ACTR3C: variants seen among roughly 807,000 people sequenced by gnomAD.
The protein encoded by ACTR3C is actin related protein 3C, also known as actin-related protein 3C.
ACTR3C carries 18 observed loss-of-function variants against 26.3 expected under a neutral mutation model. That is an observed-to-expected ratio of 0.68 (90% CI 0.47 to 1.01). The LOEUF (loss-of-function observed/expected upper bound fraction) is 1.01, where lower values mean the gene tolerates loss of function less well. Among genes scored for constraint, ACTR3C ranks in the 50% least tolerant of loss-of-function variants. The pLI, the probability that ACTR3C is intolerant of heterozygous loss-of-function variation, is 0.00. For synonymous variants in ACTR3C, 55 were observed against 94.5 expected, an observed-to-expected ratio of 0.58 and a Z score of 2.42; for missense variants, 184 against 250.7, an observed-to-expected ratio of 0.73 and a Z score of 1.80.
chr7:149,941,649 G>T, the ACTR3C span, among the ~76,000 whole-genome samples: 1 of 152,188 alleles, frequency 6.6e-6, no homozygotes, highest in Non-Finnish European at 1.5e-5. Context: ...TCTATCATAT[G>T]CAGGTGGGGA....
intron 1 of ACTR3C, among the ~76,000 whole-genome samples, chr7:150,299,372 GC>G (rs918406105): frequency 7.0e-6 from 1 of 143,076 alleles, no homozygotes; most frequent in Admixed American, 7.3e-5. Context: ...GATCACTCCA[GC>G]CCAGGAGGTC....
At chr7:150,124,324 G>A in the ACTR3C span, among the ~76,000 whole-genome samples, 2 of 152,132 alleles carry the variant, frequency 1.3e-5, no homozygotes, top group African/African-American at 4.8e-5. Flanking sequence ...CAGTTTTAGC[G>A]AAATATCTTC....
chr7:149,927,344 C>T, the ACTR3C span, among the ~76,000 whole-genome samples: 6 of 151,098 alleles, frequency 4.0e-5, no homozygotes, highest in South Asian at 8.4e-4. Flanking sequence ...AGAACTGGGC[C>T]GTTCTCCTGA....
chr7:149,904,680 A>T, the ACTR3C span, among the ~76,000 whole-genome samples: 3 of 148,504 alleles, frequency 2.0e-5, no homozygotes, highest in South Asian at 2.3e-4. Flanking sequence ...TTGATGTCAA[A>T]TTTTTTCCCA....
chr7:150,038,839 C>A, the ACTR3C span, among the ~76,000 whole-genome samples: 280 of 137,518 alleles, frequency 2.0e-3, 1 homozygote, highest in African/African-American at 3.7e-3. Context: ...TCCTAAGAGC[C>A]AGTGGGGGAA....
the ACTR3C span, among the ~76,000 whole-genome samples, chr7:150,194,281 T>A: frequency 6.8e-6 from 1 of 146,512 alleles, no homozygotes; most frequent in Non-Finnish European, 1.5e-5. Context: ...TATTATTATA[T>A]AATATATAAA....
chr7:150,203,792 CTT>C, the ACTR3C span, among the ~76,000 whole-genome samples: 3 of 152,134 alleles, frequency 2.0e-5, no homozygotes, highest in Non-Finnish European at 4.4e-5. Flanking sequence ...GTCTCGAACT[CTT>C]GACCTCAGGT....
intron 1 of ACTR3C, among the ~76,000 whole-genome samples, chr7:150,297,266 G>A (rs1318791563): frequency 6.6e-6 from 1 of 150,424 alleles, no homozygotes; most frequent in Non-Finnish European, 1.5e-5. Flanking sequence ...TGATGGATAT[G>A]CTAATTACCC....
intron 6 of ACTR3C, among the ~76,000 whole-genome samples, chr7:150,263,637 T>C (rs1346656883): frequency 6.6e-6 from 1 of 152,040 alleles, no homozygotes; most frequent in African/African-American, 2.4e-5. Context: ...GAAATCCCAG[T>C]GAATCCTATG....
chr7:149,965,083 C>T, the ACTR3C span, among the ~76,000 whole-genome samples: 1 of 151,742 alleles, frequency 6.6e-6, no homozygotes, highest in East Asian at 1.9e-4. Context: ...AGAGAGTACA[C>T]AATTTATGAA....
intron 6 of ACTR3C, among the ~76,000 whole-genome samples, chr7:150,251,688 G>T (rs1038157350): frequency 6.6e-6 from 1 of 151,980 alleles, no homozygotes; most frequent in African/African-American, 2.4e-5. Flanking sequence ...ATTTAGGATT[G>T]TATTAATTCC....
At chr7:149,897,969 A>C in the ACTR3C span, among the ~76,000 whole-genome samples, 1 of 152,226 alleles carries the variant, frequency 6.6e-6, no homozygotes, top group African/African-American at 2.4e-5. Flanking sequence ...AAAAAGACAC[A>C]GGGCAGAAAT....
chr7:150,009,375 G>C, the ACTR3C span, among the ~76,000 whole-genome samples: 1 of 152,258 alleles, frequency 6.6e-6, no homozygotes, highest in Non-Finnish European at 1.5e-5. Flanking sequence ...TGTGCATTCA[G>C]TGAACACCCG....
chr7:150,021,983 C>A, the ACTR3C span, among the ~76,000 whole-genome samples: 1 of 151,958 alleles, frequency 6.6e-6, no homozygotes, highest in South Asian at 2.1e-4. Context: ...GGTAGATACA[C>A]AGTAGTGGGG....
intron 6 of ACTR3C, among the ~76,000 whole-genome samples, chr7:150,259,273 A>AAAAGAAAGAAAGAAAGAAAGAAAGAAAG (rs374612383): frequency 1.3e-5 from 2 of 148,342 alleles, no homozygotes; most frequent in African/African-American, 5.1e-5. Flanking sequence ...AGAAGAAAGA[A>AAAAGAAAGAAAGAAAGAAAGAAAGAAAG]AAAGAAAGAA....
the ACTR3C span, among the ~76,000 whole-genome samples, chr7:150,045,953 C>T: frequency 1.6e-4 from 25 of 152,262 alleles, no homozygotes; most frequent in African/African-American, 5.8e-4. Context: ...CCAAGATTCT[C>T]GGTAGTTTAA....
At chr7:150,030,448 T>C in the ACTR3C span, among the ~76,000 whole-genome samples, 1 of 152,066 alleles carries the variant, frequency 6.6e-6, no homozygotes, top group Non-Finnish European at 1.5e-5. Flanking sequence ...AGACTCTTCA[T>C]GGGACAGACA....
chr7:150,137,534 C>T, the ACTR3C span, among the ~76,000 whole-genome samples: 1 of 152,304 alleles, frequency 6.6e-6, no homozygotes, highest in African/African-American at 2.4e-5. Context: ...CCTACCCTCA[C>T]GTTAGCTTCC....
chr7:150,071,157 T>G, the ACTR3C span, among the ~76,000 whole-genome samples: 1 of 151,634 alleles, frequency 6.6e-6, no homozygotes, highest in East Asian at 2.0e-4. Context: ...GGAGTCTCGC[T>G]CTGTCACCCA....
Sources: gnomAD v4.1 joint callset for allele counts (sites outside exome capture counted in the v4.1 genomes callset) on GRCh38, gnomAD v4.1.1 for gene constraint, MANE v1.5 for transcripts, NCBI Gene and HGNC (gene_info 2026-07-23, HGNC 2026-07-21) for gene names.